The following RBFOX1 variants were observed in gnomAD, a reference collection of about 807,000 sequenced individuals.
RBFOX1 encodes RNA binding fox-1 homolog 1, also known as RNA binding protein fox-1 homolog 1.
RBFOX1 carries 8 observed loss-of-function variants against 57.7 expected under a neutral mutation model. The ratio of observed to expected loss-of-function variants is 0.14; its 90% CI spans 0.08 to 0.25. The LOEUF (loss-of-function observed/expected upper bound fraction) is 0.25, where lower values mean the gene tolerates loss of function less well. Among genes scored for constraint, RBFOX1 ranks in the 10% least tolerant of loss-of-function variants. The pLI, the probability that RBFOX1 is intolerant of heterozygous loss-of-function variation, is 1.00. For synonymous variants in RBFOX1, 326 were observed against 222.4 expected, an observed-to-expected ratio of 1.47 and a Z score of -4.15; for missense variants, 611 against 548.5, an observed-to-expected ratio of 1.11 and a Z score of -1.14.
rs182055534 is a variant in RBFOX1 at position 6,929,702 on chromosome 16, G to C, written c.-15-122355G>C. 6.8e-3 allele frequency among the ~76,000 whole-genome samples: 990 copies of C among 146,318 alleles called. 12 individuals carry two copies. The highest frequency in any genetic ancestry group is 0.025 in the African/African-American group (933 of 37,992). ...GTGTGTTAGAGAATGTGTTACTACG[G>C]GGTTATTTTTTTTAACACATTTATT... is the stretch of plus-strand genomic sequence containing the variant. On this transcript the variant is annotated intron_variant, in intron 3 of 15. Coordinates refer to ENST00000550418, the MANE Select transcript of RBFOX1 (RefSeq NM_018723.4).
intron 3 of RBFOX1, among the ~76,000 whole-genome samples, chr16:7,036,764 C>T (rs1297955511): frequency 6.6e-6 from 1 of 151,012 alleles, no homozygotes; most frequent in Non-Finnish European, 1.5e-5. Context: ...TCAGGGAAGT[C>T]CATAGAGTAA....
chr16:6,466,744 C>T (rs960908538), intron 2 of RBFOX1, among the ~76,000 whole-genome samples: 1 of 152,058 alleles, frequency 6.6e-6, no homozygotes, highest in East Asian at 1.9e-4. Flanking sequence ...TCTCTTAGTT[C>T]GAATAATAGC....
chr16:7,401,096 C>T (rs1272546502), intron 4 of RBFOX1, among the ~76,000 whole-genome samples: 3 of 152,148 alleles, frequency 2.0e-5, no homozygotes, highest in African/African-American at 4.8e-5. Flanking sequence ...GAGAATTTGC[C>T]TGAAGAGAGG....
chr16:5,635,117 C>T (rs1473736080), intron 3 of RBFOX1, among the ~76,000 whole-genome samples: 3 of 152,176 alleles, frequency 2.0e-5, no homozygotes, highest in East Asian at 3.8e-4. Context: ...CACTGAACTA[C>T]ACTGCTCCTC....
At chr16:7,605,454 C>T (rs1379679856) in intron 9 of RBFOX1, among the ~76,000 whole-genome samples, 1 of 152,158 alleles carries the variant, frequency 6.6e-6, no homozygotes, top group Non-Finnish European at 1.5e-5. Flanking sequence ...TTGAGAATCT[C>T]TATTCTGAGA....
intron 2 of RBFOX1, among the ~76,000 whole-genome samples, chr16:6,479,421 C>G (rs1279702029): frequency 6.6e-6 from 1 of 152,050 alleles, no homozygotes; most frequent in South Asian, 2.1e-4. Context: ...AACCCTGTCT[C>G]TACTAAAAAT....
At chr16:5,831,107 G>A (rs185866577) in intron 3 of RBFOX1, among the ~76,000 whole-genome samples, 38 of 152,258 alleles carry the variant, frequency 2.5e-4, no homozygotes, top group African/African-American at 8.9e-4. Flanking sequence ...CACAGAGTAG[G>A]CATTTGATGT....
chr16:7,046,603 C>CTTTTTTTTTT (rs59921108), intron 3 of RBFOX1, among the ~76,000 whole-genome samples: 1 of 85,006 alleles, frequency 1.2e-5, no homozygotes, highest in East Asian at 3.6e-4. Flanking sequence ...TGTGTTTTAT[C>CTTTTTTTTTT]TTTTTTTTTT....
intron 3 of RBFOX1, among the ~76,000 whole-genome samples, chr16:5,814,786 A>G (rs143096342): frequency 0.046 from 6,998 of 151,966 alleles, 528 homozygotes; most frequent in African/African-American, 0.15. Flanking sequence ...AAAATTAGCC[A>G]GGCGCGGTGG....
chr16:6,483,689 C>A, intron 2 of RBFOX1: 2 of 879,824 alleles, frequency 2.3e-6, no homozygotes, highest in Non-Finnish European at 1.3e-6. Flanking sequence ...TGCAGAGGGA[C>A]GGGGGCGGGC....
chr16:6,714,708 C>G (rs1028383137), intron 3 of RBFOX1, among the ~76,000 whole-genome samples: 2 of 151,568 alleles, frequency 1.3e-5, no homozygotes, highest in African/African-American at 4.9e-5. Context: ...CCTGGAGTGC[C>G]TCACGTGGTG....
intron 3 of RBFOX1, among the ~76,000 whole-genome samples, chr16:5,728,382 T>C (rs1596996455): frequency 6.6e-6 from 1 of 152,204 alleles, no homozygotes; most frequent in Non-Finnish European, 1.5e-5. Context: ...CACGGACTCC[T>C]GTGTGCAAAG....
chr16:7,025,748 C>G (rs576677559), intron 3 of RBFOX1, among the ~76,000 whole-genome samples: 1 of 151,988 alleles, frequency 6.6e-6, no homozygotes, highest in East Asian at 1.9e-4. Flanking sequence ...GAGCCATGGG[C>G]GTCCCGGGGA....
intron 5 of RBFOX1, among the ~76,000 whole-genome samples, chr16:7,520,658 G>T (rs559980357): frequency 6.6e-6 from 1 of 152,334 alleles, no homozygotes; most frequent in African/African-American, 2.4e-5. Flanking sequence ...TTTAGTTGCT[G>T]TGCCTTAGGC....
At chr16:7,477,463 A>G (rs567745364) in intron 4 of RBFOX1, among the ~76,000 whole-genome samples, 3 of 152,206 alleles carry the variant, frequency 2.0e-5, no homozygotes, top group South Asian at 2.1e-4. Flanking sequence ...CGATATTTCA[A>G]CAGCCCCTTC....
At chr16:7,664,439 C>T (rs2068641666) in intron 12 of RBFOX1, among the ~76,000 whole-genome samples, 1 of 152,164 alleles carries the variant, frequency 6.6e-6, no homozygotes, top group African/African-American at 2.4e-5. Flanking sequence ...TATGTGTTGT[C>T]CACCTCACCT....
chr16:5,888,308 G>A (rs527767219), intron 4 of RBFOX1, among the ~76,000 whole-genome samples: 9 of 152,130 alleles, frequency 5.9e-5, no homozygotes, highest in Non-Finnish European at 1.3e-4. Context: ...CCATCCCAAA[G>A]TGAGCATCTT....
intron 3 of RBFOX1, among the ~76,000 whole-genome samples, chr16:5,740,272 G>A (rs1014161384): frequency 2.6e-5 from 4 of 152,152 alleles, no homozygotes; most frequent in Admixed American, 1.3e-4. Flanking sequence ...AGTGAGAGGA[G>A]CAAAGCATCC....
At chr16:6,101,000 G>T (rs1229509048) in intron 1 of RBFOX1, among the ~76,000 whole-genome samples, 2 of 152,080 alleles carry the variant, frequency 1.3e-5, no homozygotes, top group Non-Finnish European at 2.9e-5. Context: ...AAAGGTACAG[G>T]TTCCTCCTAT....
Sources: gnomAD v4.1 joint callset for allele counts (sites outside exome capture counted in the v4.1 genomes callset) on GRCh38, gnomAD v4.1.1 for gene constraint, MANE v1.5 for transcripts, NCBI Gene and HGNC (gene_info 2026-07-23, HGNC 2026-07-21) for gene names.